Variants in ARHGAP17 observed in about 807,000 individuals in gnomAD.
ARHGAP17 encodes Rho GTPase activating protein 17.
ARHGAP17 carries 57 observed loss-of-function variants against 99.5 expected under a neutral mutation model. The observed-to-expected ratio is 0.57, with a 90% CI of 0.46 to 0.71. ARHGAP17 has a LOEUF of 0.71. Ranked by LOEUF, ARHGAP17 falls within the 30% of genes least tolerant of loss-of-function variation. The pLI is 0.00. For synonymous variants in ARHGAP17, 417 were observed against 429.6 expected (o/e 0.97, Z 0.36); for missense variants, 1,000 against 1,122.4 (o/e 0.89, Z 1.56).
At position 24,930,850 on chromosome 16, in the gene ARHGAP17, C is replaced by CA; in HGVS notation, c.2448dup (p.Gly817TrpfsTer38). 1 of 1,613,746 alleles carries CA rather than the reference C, an allele frequency of 6.2e-7. No individual in the cohort carries two copies. Among genetic ancestry groups the CA allele is most frequent in the Non-Finnish European group, 8.5e-7 (1 of 1,179,948 alleles). Reference sequence around the variant, plus strand: ...CTGCTGTCCCCAGCTGAGTGGACACCAGGAGGTTGGGGGGGTGGGGGCACG... The same window carrying CA: ...CTGCTGTCCCCAGCTGAGTGGACACCAAGGAGGTTGGGGGGGTGGGGGCACG... On this transcript the variant is annotated frameshift_variant, in exon 19 of 20. Transcript: ENST00000289968. LOFTEE classifies it high-confidence loss of function.
At chr16:24,966,516 C>T (rs1387311270) in intron 6 of ARHGAP17, among the ~76,000 whole-genome samples, 1 of 151,944 alleles carries the variant, frequency 6.6e-6, no homozygotes, top group Non-Finnish European at 1.5e-5. Flanking sequence ...GCTTGTAATC[C>T]CAACTATTAA....
At chr16:24,972,544 TG>T (rs2141329362) in intron 3 of ARHGAP17, 1 of 152,316 alleles carries the variant, frequency 6.6e-6, no homozygotes, top group South Asian at 2.1e-4. Flanking sequence ...TATTCCCAGC[TG>T]CCCCATTTCT....
rs552436071 is a variant in ARHGAP17 at position 25,002,207 on chromosome 16, T to C, written c.53+13002A>G. On this transcript the variant is annotated intron_variant, in intron 1 of 19. Coordinates refer to ENST00000289968, the MANE Select transcript of ARHGAP17 (RefSeq NM_001006634.3). ...ATTATATGTTTCTAAAAAGGAATCA[T>C]TGTAAAACAATGAAAAAGTGAAGAA... Among the ~76,000 whole-genome samples, 8 of 152,284 alleles carry C rather than the reference T, an allele frequency of 5.3e-5. No homozygotes were observed. The East Asian group carries it at 1.3e-3, about 26-fold the overall frequency.
At chr16:24,964,346 C>T (rs753355022) in intron 6 of ARHGAP17, 38 bp from the exon 7 acceptor site, 1 of 1,397,278 alleles carries the variant, frequency 7.2e-7, no homozygotes, top group Non-Finnish European at 1.0e-6. Flanking sequence ...TGAGAACCAG[C>T]TGTGTATACT....
At chr16:25,014,404 C>T (rs948135131) in intron 1 of ARHGAP17, among the ~76,000 whole-genome samples, 1 of 152,234 alleles carries the variant, frequency 6.6e-6, no homozygotes, top group Non-Finnish European at 1.5e-5. Flanking sequence ...GTTCTGACAA[C>T]CTGATCTACC....
At chr16:24,976,699 T>C (rs372645865) in intron 3 of ARHGAP17, among the ~76,000 whole-genome samples, 38 of 152,212 alleles carry the variant, frequency 2.5e-4, no homozygotes, top group African/African-American at 7.0e-4. Context: ...AAGCAGCCCA[T>C]AGAAGCTGCC....
At chr16:24,923,727 TAAAAAAAAA>T (rs1160793042) in intron 19 of ARHGAP17, among the ~76,000 whole-genome samples, 1 of 119,900 alleles carries the variant, frequency 8.3e-6, no homozygotes, top group African/African-American at 3.3e-5. Context: ...CTCTTTTTTT[TAAAAAAAAA>T]AAAAAAAAAA....
chr16:24,930,607 G>A, intron 19 of ARHGAP17, 177 bp downstream of exon 19: 1 of 1,052,530 alleles, frequency 9.5e-7, no homozygotes, highest in Non-Finnish European at 1.5e-6. Context: ...TTAACAAATG[G>A]GTGTAGCTGT....
intron 1 of ARHGAP17, among the ~76,000 whole-genome samples, chr16:24,982,996 A>T (rs1423970428): frequency 2.8e-4 from 13 of 46,974 alleles, no homozygotes; most frequent in African/African-American, 8.7e-4. Context: ...ATATATATAT[A>T]TTTTTTTTTT....
chr16:24,952,058 T>C (rs1244715888), intron 12 of ARHGAP17, among the ~76,000 whole-genome samples: 1 of 152,202 alleles, frequency 6.6e-6, no homozygotes, highest in Non-Finnish European at 1.5e-5. Context: ...TATGTCTTCA[T>C]CCACCTAAAT....
intron 2 of ARHGAP17, 121 bp downstream of exon 2, chr16:24,978,830 CAAAATCACACTAATT>C: frequency 1.5e-6 from 1 of 656,448 alleles, no homozygotes; most frequent in East Asian, 3.7e-5. Flanking sequence ...CTTTCCTGCT[CAAAATCACACTAATT>C]AATTTTATTC....
At position 24,953,001 on chromosome 16, in the gene ARHGAP17, C is replaced by A; in HGVS notation, c.894G>T (p.Lys298Asn). Residue 298 changes from lysine (K) to asparagine (N), a missense_variant, in exon 11 of 20, where the codon AAG becomes AAT. Lys to Asn is a moderately conservative substitution (Grantham distance 94, BLOSUM62 0). Transcript: ENST00000289968. ...TAGAACAGTCCAAAGCAGCTTTCAGCTTCTTTAACTTGGAGGCCCCAGCCC... is the reference window on the plus strand; with the variant it reads ...TAGAACAGTCCAAAGCAGCTTTCAGATTCTTTAACTTGGAGGCCCCAGCCC... The part of the protein sequence containing the change: ...RIGAGASKLK[K>N]LKAALDCSTS... 6.2e-7 allele frequency: 1 copy of A among 1,614,194 alleles called. No homozygotes were observed. The highest frequency in any genetic ancestry group is 1.7e-5 in the Admixed American group (1 of 60,024).
chr16:25,004,864 T>C (rs2053464082), intron 1 of ARHGAP17, among the ~76,000 whole-genome samples: 1 of 152,238 alleles, frequency 6.6e-6, no homozygotes, highest in Admixed American at 6.5e-5. Context: ...CAATAAGCTG[T>C]AATTAACACA....
At position 25,003,038 on chromosome 16, in the gene ARHGAP17, C is replaced by CAA. The variant is rs1177218423; in HGVS notation, c.53+12169_53+12170dup. Among the ~76,000 whole-genome samples, 407 of 52,598 alleles carry CAA rather than the reference C, an allele frequency of 7.7e-3. 12 individuals are homozygous for CAA. The highest frequency in any genetic ancestry group is 0.02 in the Middle Eastern group (1 of 50). 34.5% of individuals were successfully genotyped at this position (52,598 alleles called of 152,430 possible). A position where few individuals can be genotyped will look rare whatever the true frequency, so the allele number is the denominator to read the frequency against. ...TGGGGAACAGAGCGAGACTCCGTCT[C>CAA]AAAAAAAAAAAAAAAAAAAAAAGAG... On this transcript the variant is annotated intron_variant, in intron 1 of 19. Coordinates refer to ENST00000289968, the MANE Select transcript of ARHGAP17 (RefSeq NM_001006634.3).
intron 16 of ARHGAP17, among the ~76,000 whole-genome samples, chr16:24,940,702 CA>C (rs1482339737): frequency 1.3e-5 from 2 of 151,972 alleles, no homozygotes; most frequent in Admixed American, 1.3e-4. Flanking sequence ...CTCAAAAAAA[CA>C]AAAACCAAAA....
chr16:24,920,393 G>C (rs954775243), intron 19 of ARHGAP17, 133 bp from the exon 20 acceptor site: 4 of 1,084,438 alleles, frequency 3.7e-6, no homozygotes, highest in Admixed American at 4.4e-5. Context: ...CTTGCGAGAG[G>C]CCTCATCAGC....
At chr16:25,000,659 A>T (rs1027146133) in intron 1 of ARHGAP17, among the ~76,000 whole-genome samples, 2 of 152,192 alleles carry the variant, frequency 1.3e-5, no homozygotes, top group African/African-American at 2.4e-5. Context: ...GCTACAATTC[A>T]GTCTACTGCC....
intron 14 of ARHGAP17, among the ~76,000 whole-genome samples, chr16:24,944,620 T>A (rs2051415283): frequency 6.6e-6 from 1 of 152,096 alleles, no homozygotes; most frequent in Non-Finnish European, 1.5e-5. Flanking sequence ...TTTATTTTTT[T>A]ATTTTTTATT....
chr16:25,001,127 A>T (rs2141480466), intron 1 of ARHGAP17, among the ~76,000 whole-genome samples: 1 of 152,362 alleles, frequency 6.6e-6, no homozygotes, highest in South Asian at 2.1e-4. Flanking sequence ...CAATTAAATA[A>T]GGGATGAAAA....
Sources: gnomAD v4.1 joint callset for allele counts (sites outside exome capture counted in the v4.1 genomes callset) on GRCh38, gnomAD v4.1.1 for gene constraint, MANE v1.5 for transcripts, NCBI Gene and HGNC (gene_info 2026-07-23, HGNC 2026-07-21) for gene names.